WDPCP: variants seen among roughly 807,000 people sequenced by gnomAD.
The protein encoded by WDPCP is WD repeat-containing and planar cell polarity effector protein fritz homolog.
A neutral mutation model predicts 93.1 loss-of-function variants in WDPCP; 71 were observed. That is an observed-to-expected ratio of 0.76 (90% confidence interval 0.63 to 0.93). The LOEUF is 0.93. WDPCP is among the 40% of genes least tolerant of loss of function. The probability of loss-of-function intolerance (pLI) is 0.00; values close to 1 mark genes in which losing one functional copy is unlikely to be tolerated. For synonymous variants in WDPCP, 315 were observed against 315.0 expected, an observed-to-expected ratio of 1.00 and a Z score of 0.00; for missense variants, 844 against 887.4, an observed-to-expected ratio of 0.95 and a Z score of 0.62.
At chr2:63,720,427 A>C (rs141210186) in intron 2 of WDPCP, among the ~76,000 whole-genome samples, 3,095 of 151,884 alleles carry the variant, frequency 0.02, 68 homozygotes, top group African/African-American at 0.056. Flanking sequence ...AAAAAAAAAA[A>C]AAAACAAAAC....
intron 12 of WDPCP, among the ~76,000 whole-genome samples, chr2:63,354,988 G>A (rs369652187): frequency 1.2e-4 from 19 of 152,322 alleles, no homozygotes; most frequent in African/African-American, 4.3e-4. Flanking sequence ...CTGAAAGGGA[G>A]GGGGAGAAAG....
intron 1 of WDPCP, among the ~76,000 whole-genome samples, chr2:63,504,968 G>T (rs905106438): frequency 6.6e-6 from 1 of 151,924 alleles, no homozygotes; most frequent in South Asian, 2.1e-4. Context: ...TGGCCGATTG[G>T]TCAATAAATT....
intron 10 of WDPCP, among the ~76,000 whole-genome samples, chr2:63,390,205 C>T (rs1391486777): frequency 6.6e-6 from 1 of 152,088 alleles, no homozygotes; most frequent in African/African-American, 2.4e-5. Context: ...TCTCTCAGAC[C>T]ACAGTGCAAT....
At position 63,673,925 on chromosome 2, in the gene WDPCP, G is replaced by A. The variant is rs545938752; in HGVS notation, n.309-23087C>T. 5.3e-4 allele frequency among the ~76,000 whole-genome samples: 81 copies of A among 152,292 alleles called. 1 individual carries two copies. Among genetic ancestry groups the A allele is most frequent in the South Asian group, 3.3e-3 (16 of 4,820 alleles). ...TCCATTTTCCAGTTCCAGTTGCTGT[G>A]GAATTTGCCTTTCTACCTAGTTCCT... On this transcript the variant is annotated intron_variant and non_coding_transcript_variant, in intron 2 of 4. Coordinates refer to the WDPCP transcript ENST00000467687.
At chr2:63,382,623 G>A (rs1242063636) in intron 10 of WDPCP, among the ~76,000 whole-genome samples, 1 of 152,072 alleles carries the variant, frequency 6.6e-6, no homozygotes. Context: ...AAGCCACAAA[G>A]TAGTATAAAA....
chr2:63,521,351 G>A (rs936445925), intron 1 of WDPCP, among the ~76,000 whole-genome samples: 3 of 152,096 alleles, frequency 2.0e-5, no homozygotes, highest in African/African-American at 7.2e-5. Context: ...CAAAGTAAAG[G>A]GATGGAGAAA....
intron 1 of WDPCP, among the ~76,000 whole-genome samples, chr2:63,562,780 C>G (rs1706723702): frequency 6.6e-6 from 1 of 152,154 alleles, no homozygotes; most frequent in African/African-American, 2.4e-5. Flanking sequence ...ATTATTTATT[C>G]TGACATTCAA....
chr2:63,602,735 C>G (rs1709448780), intron 3 of WDPCP, among the ~76,000 whole-genome samples: 1 of 152,058 alleles, frequency 6.6e-6, no homozygotes, highest in Non-Finnish European at 1.5e-5. Flanking sequence ...CACTCCACCT[C>G]TATAATTTTG....
At chr2:63,562,016 T>C (rs1004620496) in intron 1 of WDPCP, among the ~76,000 whole-genome samples, 2 of 152,188 alleles carry the variant, frequency 1.3e-5, no homozygotes, top group African/African-American at 2.4e-5. Flanking sequence ...AATCTCATTA[T>C]TGGGTATATA....
intron 16 of WDPCP, chr2:63,153,202 C>G (rs962662622): frequency 3.6e-6 from 2 of 555,268 alleles, no homozygotes; most frequent in African/African-American, 3.8e-5. Context: ...CAGCATATCA[C>G]TTGAGAGCTT....
intron 3 of WDPCP, among the ~76,000 whole-genome samples, chr2:63,618,003 C>A (rs1294789414): frequency 2.0e-5 from 3 of 152,110 alleles, no homozygotes; most frequent in African/African-American, 4.8e-5. Flanking sequence ...TTTAAAAATT[C>A]TTTATCTGTA....
intron 13 of WDPCP, among the ~76,000 whole-genome samples, chr2:63,300,836 C>T (rs977038108): frequency 1.3e-5 from 2 of 152,140 alleles, no homozygotes; most frequent in Admixed American, 1.3e-4. Flanking sequence ...CAGGTCTCTG[C>T]CCTTGGTCTG....
chr2:63,459,480 C>T (rs1047052831), intron 6 of WDPCP, among the ~76,000 whole-genome samples: 1 of 152,118 alleles, frequency 6.6e-6, no homozygotes, highest in Non-Finnish European at 1.5e-5. Flanking sequence ...AATGTGATTT[C>T]ATCTCACCCC....
intron 3 of WDPCP, among the ~76,000 whole-genome samples, chr2:63,614,582 C>A (rs1198035882): frequency 6.6e-6 from 1 of 152,176 alleles, no homozygotes; most frequent in Non-Finnish European, 1.5e-5. Context: ...TTCTCTTATC[C>A]TCTTGTCTCC....
chr2:63,437,738 C>A (rs1318585699), intron 7 of WDPCP, 184 bp from the exon 8 acceptor site: 1 of 1,108,760 alleles, frequency 9.0e-7, no homozygotes, highest in East Asian at 2.6e-5. Context: ...AATTGTCAAT[C>A]TAATCATATG....
intron 1 of WDPCP, among the ~76,000 whole-genome samples, chr2:63,579,736 G>T (rs1306243049): frequency 6.7e-6 from 1 of 149,410 alleles, no homozygotes; most frequent in Non-Finnish European, 1.5e-5. Flanking sequence ...AGATAGATTA[G>T]ATAGGTAGGT....
chr2:63,698,749 GA>G (rs1668997661), intron 2 of WDPCP, among the ~76,000 whole-genome samples: 1 of 152,194 alleles, frequency 6.6e-6, no homozygotes, highest in South Asian at 2.1e-4. Context: ...GAAAAAGAGG[GA>G]GGGGGGAATA....
chr2:63,471,109 T>C (rs951770571), intron 6 of WDPCP, among the ~76,000 whole-genome samples: 3 of 152,220 alleles, frequency 2.0e-5, no homozygotes, highest in South Asian at 4.1e-4. Flanking sequence ...ATATTTTCCT[T>C]ATTCATCTTT....
At chr2:63,629,191 G>C (rs1469595101) in intron 3 of WDPCP, among the ~76,000 whole-genome samples, 1 of 152,204 alleles carries the variant, frequency 6.6e-6, no homozygotes, top group Non-Finnish European at 1.5e-5. Context: ...TCTAGCCAAA[G>C]GAGCAGGAAA....
Sources: gnomAD v4.1 joint callset for allele counts (sites outside exome capture counted in the v4.1 genomes callset) on GRCh38, gnomAD v4.1.1 for gene constraint, MANE v1.5 for transcripts, NCBI Gene and HGNC (gene_info 2026-07-23, HGNC 2026-07-21) for gene names.